The following TNS3 variants were observed in gnomAD, a reference collection of about 807,000 sequenced individuals.
TNS3 encodes the protein tensin 3.
In TNS3, 45 loss-of-function variants were observed where a neutral mutation model predicts 140.9. The observed-to-expected ratio is 0.32, with a 90% CI of 0.25 to 0.41. The LOEUF (loss-of-function observed/expected upper bound fraction) is 0.41. Among genes scored for constraint, TNS3 ranks in the 10% least tolerant of loss-of-function variants. TNS3 has a pLI of 1.00. For synonymous variants in TNS3, 815 were observed against 788.4 expected (o/e 1.03, Z -0.56); for missense variants, 1,716 against 1,906.7 (o/e 0.90, Z 1.86).
At chr7:47,382,070 G>A (rs908875232) in intron 16 of TNS3, among the ~76,000 whole-genome samples, 1 of 152,124 alleles carries the variant, frequency 6.6e-6, no homozygotes, top group Non-Finnish European at 1.5e-5. Flanking sequence ...CCTCCTACAG[G>A]ATACAAATCT....
intron 1 of TNS3, among the ~76,000 whole-genome samples, chr7:47,575,533 C>T (rs1167884288): frequency 6.6e-6 from 1 of 152,068 alleles, no homozygotes; most frequent in East Asian, 1.9e-4. Context: ...AGCAAAGATA[C>T]GGCCGGGCGC....
At chr7:47,575,040 T>TA (rs199568033) in intron 1 of TNS3, among the ~76,000 whole-genome samples, 132 of 151,518 alleles carry the variant, frequency 8.7e-4, no homozygotes, top group Middle Eastern at 3.4e-3. Context: ...TACCAAAGCT[T>TA]AAAAAAAAAG....
intron 16 of TNS3, among the ~76,000 whole-genome samples, chr7:47,387,744 G>C (rs1452850719): frequency 6.6e-6 from 1 of 152,198 alleles, no homozygotes; most frequent in African/African-American, 2.4e-5. Flanking sequence ...ATTCCTTCAA[G>C]GCTGAAAGAG....
chr7:47,368,731 T>A lies in TNS3; in HGVS notation c.1915A>T (p.Ser639Cys), dbSNP rs1790861921. ...ACACCCCTCTGGACAGCCACCCTACTGCTGGTCCCTCGGGTGGGGGTGAGT... is the reference window on the plus strand; with the variant it reads ...ACACCCCTCTGGACAGCCACCCTACAGCTGGTCCCTCGGGTGGGGGTGAGT... ...VPLTPTRGTS[S>C]RVAVQRGVGS... The change falls in exon 17 of 31, where the codon AGT (serine) becomes TGT (cysteine). Residue 639 changes from serine to cysteine, a missense_variant. Coordinates refer to ENST00000311160, the MANE Select transcript of TNS3 (RefSeq NM_022748.12). The A allele has an allele frequency of 3.8e-6, 6 of 1,579,050 alleles. No individual in the cohort carries two copies. Among genetic ancestry groups the A allele is most frequent in the African/African-American group, 1.3e-5 (1 of 74,584 alleles).
chr7:47,553,384 GCTAA>G (rs1386123386), intron 1 of TNS3, among the ~76,000 whole-genome samples: 1 of 152,234 alleles, frequency 6.6e-6, no homozygotes, highest in Non-Finnish European at 1.5e-5. Flanking sequence ...CGAAGCACAG[GCTAA>G]CTGTCTTGTG....
At chr7:47,426,823 G>C (rs1379186961) in intron 9 of TNS3, among the ~76,000 whole-genome samples, 2 of 152,082 alleles carry the variant, frequency 1.3e-5, no homozygotes, top group Non-Finnish European at 2.9e-5. Flanking sequence ...TACTTTGCTG[G>C]GGATAGAAAT....
chr7:47,302,134 G>A (rs376485577), intron 23 of TNS3, 52 bp downstream of exon 23: 84 of 1,479,536 alleles, frequency 5.7e-5, no homozygotes, highest in African/African-American at 3.3e-4. Context: ...ACAAGGCAGC[G>A]AAGCGGGCAC....
intron 3 of TNS3, among the ~76,000 whole-genome samples, chr7:47,494,118 C>T (rs1797914559): frequency 6.6e-6 from 1 of 152,204 alleles, no homozygotes; most frequent in Non-Finnish European, 1.5e-5. Flanking sequence ...AAACTTCCAC[C>T]CCTGTTCACA....
chr7:47,513,764 C>CCCTCCGGCGTCTGAGCTGGT (rs1798684927), intron 2 of TNS3, among the ~76,000 whole-genome samples: 1 of 152,248 alleles, frequency 6.6e-6, no homozygotes, highest in Non-Finnish European at 1.5e-5. Flanking sequence ...GCCCAGCTTA[C>CCCTCCGGCGTCTGAGCTGGT]CCTCCGGCGT....
At chr7:47,312,471 G>A (rs1787159785) in intron 20 of TNS3, among the ~76,000 whole-genome samples, 2 of 151,884 alleles carry the variant, frequency 1.3e-5, no homozygotes, top group African/African-American at 4.8e-5. Context: ...TGGGAGGCGA[G>A]GCAGGCGGAT....
intron 28 of TNS3, among the ~76,000 whole-genome samples, chr7:47,283,220 G>A (rs1268650308): frequency 1.3e-5 from 2 of 152,202 alleles, no homozygotes; most frequent in Non-Finnish European, 2.9e-5. Flanking sequence ...ATCTGCTCCA[G>A]CATAACTGGC....
chr7:47,288,323 A>C (rs1300447947), intron 27 of TNS3, among the ~76,000 whole-genome samples: 1 of 152,202 alleles, frequency 6.6e-6, no homozygotes, highest in Non-Finnish European at 1.5e-5. Flanking sequence ...GGAGGAGACA[A>C]TAAGCTGGGC....
chr7:47,544,289 G>A (rs1211159249), intron 1 of TNS3, among the ~76,000 whole-genome samples: 1 of 151,920 alleles, frequency 6.6e-6, no homozygotes, highest in Admixed American at 6.6e-5. Flanking sequence ...GATAAACAAG[G>A]GCCCACCTGT....
In TNS3 at chr7:47,369,268, C is replaced by A. The variant is rs144374552; in HGVS notation, c.1378G>T (p.Ala460Ser). 2.6e-5 allele frequency: 42 copies of A among 1,614,236 alleles called. No homozygotes were observed. The East Asian group carries it at 9.4e-4, about 36-fold the overall frequency. The change falls in exon 17 of 31, where the codon GCC (alanine) becomes TCC (serine). Residue 460 changes from alanine (A) to serine (S), a missense_variant. Physicochemically the swap from Ala to Ser is moderately conservative, Grantham distance 99. Coordinates refer to ENST00000311160, the MANE Select transcript of TNS3 (RefSeq NM_022748.12). ...GCGTCTCCATTCACGTGAACCTGGG[C>A]TGGCACCACGTGGCGGGTCCCACTG... Reference protein sequence around the residue: ...KYSGTRHVVPAQVHVNGDAAL... With the variant: ...KYSGTRHVVPSQVHVNGDAAL...
intron 17 of TNS3, among the ~76,000 whole-genome samples, chr7:47,358,888 G>A (rs1790158230): frequency 6.6e-6 from 1 of 152,208 alleles, no homozygotes; most frequent in South Asian, 2.1e-4. Flanking sequence ...GGGTCACACA[G>A]ATCAGCCCAC....
At chr7:47,412,978 C>T (rs1392641546) in intron 12 of TNS3, among the ~76,000 whole-genome samples, 3 of 151,764 alleles carry the variant, frequency 2.0e-5, no homozygotes, top group Admixed American at 6.6e-5. Context: ...TTTTTCAGAC[C>T]GAGTCTCGCT....
intron 20 of TNS3, among the ~76,000 whole-genome samples, chr7:47,335,279 T>G (rs914522258): frequency 6.6e-6 from 1 of 152,130 alleles, no homozygotes; most frequent in Admixed American, 6.5e-5. Flanking sequence ...CCCAAATGGG[T>G]GAAGCCTGGT....
intron 2 of TNS3, among the ~76,000 whole-genome samples, chr7:47,508,306 T>TCAGCAATTCAAACC (rs1584789493): frequency 6.6e-6 from 1 of 152,214 alleles, no homozygotes; most frequent in East Asian, 1.9e-4. Flanking sequence ...GAATTGTCAT[T>TCAGCAATTCAAACC]CTATACCTTG....
chr7:47,435,374 C>A lies in TNS3; in HGVS notation c.232G>T (p.Ala78Ser), dbSNP rs1562737820. Residue 78 changes from alanine to serine, a missense_variant, in exon 8 of 31, where the codon GCA becomes TCA. By Grantham distance (99) the Ala-to-Ser change is moderately conservative. Around this residue, in one of 3 missense-constraint regions of TNS3, gnomAD observed 337 missense variants for 428.9 expected, o/e 0.79. Coordinates refer to ENST00000311160, the MANE Select transcript of TNS3 (RefSeq NM_022748.12). ...IMDVGWPELH[A>S]PPLDKMCTIC... Reference sequence around the variant, plus strand: ...GTACACATCTTATCCAGGGGCGGTGCGTGGAGCTCTGGCCAGCCCACATCC... The same window carrying A: ...GTACACATCTTATCCAGGGGCGGTGAGTGGAGCTCTGGCCAGCCCACATCC... The A allele has an allele frequency of 2.5e-6, 4 of 1,613,936 alleles. No homozygotes were observed. The highest frequency in any genetic ancestry group is 3.4e-6 in the Non-Finnish European group (4 of 1,179,996).
Sources: gnomAD v4.1 joint callset for allele counts (sites outside exome capture counted in the v4.1 genomes callset) on GRCh38, gnomAD v4.1.1 for gene constraint, gnomAD v4.1.1 regional missense constraint, MANE v1.5 for transcripts, NCBI Gene and HGNC (gene_info 2026-07-23, HGNC 2026-07-21) for gene names.